Variants in ARL15 observed in about 807,000 individuals in gnomAD.
ARL15 encodes ARF like GTPase 15, also known as ADP-ribosylation factor-like protein 15.
ARL15 carries 19 observed loss-of-function variants against 25.2 expected under a neutral mutation model. The observed-to-expected ratio is 0.75, with a 90% CI of 0.53 to 1.10. The LOEUF (loss-of-function observed/expected upper bound fraction) is 1.10. ARL15 is among the 50% of genes least tolerant of loss of function. The pLI, the probability that ARL15 is intolerant of heterozygous loss-of-function variation, is 0.00. For synonymous variants in ARL15, 94 were observed against 86.8 expected (o/e 1.08, Z -0.46); for missense variants, 220 against 246.0 (o/e 0.89, Z 0.71).
At chr5:54,107,776 C>T (rs774043282) in intron 4 of ARL15, among the ~76,000 whole-genome samples, 120 of 152,238 alleles carry the variant, frequency 7.9e-4, no homozygotes, top group Non-Finnish European at 1.4e-3. Context: ...TTTGTATATA[C>T]ATTGACATAT....
chr5:54,150,851 C>CAAA (rs34261981), intron 3 of ARL15, among the ~76,000 whole-genome samples: 181 of 127,488 alleles, frequency 1.4e-3, no homozygotes, highest in South Asian at 7.8e-3. Flanking sequence ...CACTGTTAAC[C>CAAA]AAAAAAAAAA....
intron 2 of ARL15, among the ~76,000 whole-genome samples, chr5:54,161,469 C>T (rs1015659365): frequency 9.9e-5 from 15 of 152,146 alleles, no homozygotes; most frequent in East Asian, 1.9e-4. Flanking sequence ...AGCACTGACT[C>T]GTCTCATAAA....
At chr5:54,100,164 G>C (rs1021095652) in intron 4 of ARL15, among the ~76,000 whole-genome samples, 3 of 152,024 alleles carry the variant, frequency 2.0e-5, no homozygotes, top group Admixed American at 2.0e-4. Flanking sequence ...AAAGCTGTAA[G>C]GCATCACATA....
intron 4 of ARL15, among the ~76,000 whole-genome samples, chr5:54,076,520 T>C (rs1053651601): frequency 6.6e-6 from 1 of 152,140 alleles, no homozygotes; most frequent in Non-Finnish European, 1.5e-5. Context: ...TACGTCAATA[T>C]TAAATCCTTT....
At chr5:53,975,678 C>T (rs1747899300) in intron 4 of ARL15, among the ~76,000 whole-genome samples, 1 of 152,176 alleles carries the variant, frequency 6.6e-6, no homozygotes, top group African/African-American at 2.4e-5. Context: ...GAATCTGAAA[C>T]TGAAGAAATT....
chr5:53,885,139 G>A lies in ARL15; in HGVS notation c.*1422C>T, dbSNP rs1003753487. On this transcript the variant is annotated 3_prime_UTR_variant, in exon 5 of 5. Coordinates refer to ENST00000504924, the MANE Select transcript of ARL15 (RefSeq NM_019087.3). ...TACATCATTCTGTAATATAGTGTGAGTCTGTGGTATTTGGGTATCAGTCCA... is the reference window on the plus strand; with the variant it reads ...TACATCATTCTGTAATATAGTGTGAATCTGTGGTATTTGGGTATCAGTCCA... The A allele has an allele frequency of 6.6e-6, 1 of 152,600 alleles. No homozygotes were observed. Among genetic ancestry groups the A allele is most frequent in the African/African-American group, 2.4e-5 (1 of 41,434 alleles). The allele number at this position is 152,600 out of a possible 1,614,324, so 9.5% of individuals were successfully genotyped here. A position where few individuals can be genotyped will look rare whatever the true frequency, so the allele number is the denominator to read the frequency against.
intron 4 of ARL15, among the ~76,000 whole-genome samples, chr5:54,070,665 A>G (rs974145166): frequency 6.6e-6 from 1 of 151,666 alleles, no homozygotes; most frequent in African/African-American, 2.4e-5. Context: ...ACATGGTGAA[A>G]CCCTGTATAT....
At chr5:54,060,227 G>C (rs930916193) in intron 4 of ARL15, among the ~76,000 whole-genome samples, 6 of 151,680 alleles carry the variant, frequency 4.0e-5, no homozygotes, top group African/African-American at 1.5e-4. Flanking sequence ...GAGGTCAGGA[G>C]TTCAAGACCA....
At chr5:54,178,507 G>A (rs1451634735) in intron 1 of ARL15, among the ~76,000 whole-genome samples, 1 of 152,084 alleles carries the variant, frequency 6.6e-6, no homozygotes, top group Non-Finnish European at 1.5e-5. Flanking sequence ...GACCACACTC[G>A]ATAAATACTT....
At chr5:54,201,043 G>T (rs1262764659) in intron 1 of ARL15, among the ~76,000 whole-genome samples, 2 of 151,264 alleles carry the variant, frequency 1.3e-5, no homozygotes, top group Non-Finnish European at 2.9e-5. Flanking sequence ...AATTCAGTGG[G>T]TTAGGAAAAA....
In ARL15 at chr5:54,267,981, G is replaced by A. The variant is rs775961561; in HGVS notation, c.48+42451C>T. ...TCTTCTCGAGGAGTATCTTTGTGGC[G>A]TTCTCTGTATTTCCTGAATCTGAAT... On this transcript the variant is annotated intron_variant, in intron 1 of 4. Transcript: ENST00000504924. 9.7e-3 allele frequency among the ~76,000 whole-genome samples: 1,465 copies of A among 151,532 alleles called. 9 individuals are homozygous for A. The highest frequency in any genetic ancestry group is 0.02 in the Middle Eastern group (6 of 294).
intron 4 of ARL15, among the ~76,000 whole-genome samples, chr5:53,903,141 C>T: frequency 6.6e-6 from 1 of 152,146 alleles, no homozygotes; most frequent in African/African-American, 2.4e-5. Context: ...ACTAGTTGAG[C>T]TCAGTACAAA....
chr5:54,300,938 A>G (rs907158155), intron 1 of ARL15, among the ~76,000 whole-genome samples: 8 of 152,164 alleles, frequency 5.3e-5, no homozygotes, highest in African/African-American at 1.7e-4. Flanking sequence ...CTCCAAAAAC[A>G]CAGAACCCCT....
At chr5:53,992,763 G>C (rs924932893) in intron 4 of ARL15, among the ~76,000 whole-genome samples, 2 of 152,142 alleles carry the variant, frequency 1.3e-5, no homozygotes, top group Non-Finnish European at 2.9e-5. Flanking sequence ...TTGGTACATT[G>C]CATGAAAAGG....
intron 4 of ARL15, among the ~76,000 whole-genome samples, chr5:53,989,375 G>A (rs1433860708): frequency 2.0e-5 from 3 of 152,022 alleles, no homozygotes; most frequent in South Asian, 2.1e-4. Context: ...CTAGTTATCC[G>A]GTAACTGACT....
At chr5:54,165,395 C>T (rs1176913987) in intron 2 of ARL15, among the ~76,000 whole-genome samples, 3 of 151,772 alleles carry the variant, frequency 2.0e-5, no homozygotes, top group African/African-American at 7.3e-5. Context: ...TCTTATAATG[C>T]TTATCTGCTA....
At chr5:53,928,094 A>T (rs891378490) in intron 4 of ARL15, among the ~76,000 whole-genome samples, 3 of 152,196 alleles carry the variant, frequency 2.0e-5, no homozygotes, top group Non-Finnish European at 4.4e-5. Flanking sequence ...CTCAGCACAG[A>T]GCCAGACTGA....
At chr5:53,964,483 C>T (rs1405949548) in intron 4 of ARL15, among the ~76,000 whole-genome samples, 1 of 152,094 alleles carries the variant, frequency 6.6e-6, no homozygotes, top group Admixed American at 6.5e-5. Flanking sequence ...CCTCAGCCTC[C>T]CTAGTAGCTG....
chr5:53,985,335 A>G (rs1465691853), intron 4 of ARL15, among the ~76,000 whole-genome samples: 3 of 152,166 alleles, frequency 2.0e-5, no homozygotes, highest in Non-Finnish European at 4.4e-5. Context: ...CATCTTAACC[A>G]TTTTTAAGTG....
Sources: gnomAD v4.1 joint callset for allele counts (sites outside exome capture counted in the v4.1 genomes callset) on GRCh38, gnomAD v4.1.1 for gene constraint, MANE v1.5 for transcripts, NCBI Gene and HGNC (gene_info 2026-07-23, HGNC 2026-07-21) for gene names.